PTPRM: variants seen among roughly 807,000 people sequenced by gnomAD.
The protein encoded by PTPRM is receptor-type tyrosine-protein phosphatase mu.
Under a neutral mutation model 186.7 loss-of-function variants are expected in PTPRM, and 47 were observed. The observed-to-expected ratio is 0.25, with a 90% CI of 0.20 to 0.32. PTPRM has a LOEUF of 0.32. Among genes scored for constraint, PTPRM ranks in the 10% least tolerant of loss-of-function variants. The pLI, the probability that PTPRM is intolerant of heterozygous loss-of-function variation, is 1.00. For missense variants in PTPRM, 1,494 were observed against 1,865.0 expected (o/e 0.80, Z 3.66); for synonymous variants, 668 against 674.9 (o/e 0.99, Z 0.16).
intron 23 of PTPRM, among the ~76,000 whole-genome samples, chr18:8,360,282 G>T (rs2148386079): frequency 6.6e-6 from 1 of 152,306 alleles, no homozygotes; most frequent in Non-Finnish European, 1.5e-5. Context: ...ACATGTCTAA[G>T]ACCAGAGAAA....
intron 7 of PTPRM, among the ~76,000 whole-genome samples, chr18:7,966,357 T>C (rs554160202): frequency 5.9e-5 from 9 of 152,350 alleles, no homozygotes; most frequent in African/African-American, 1.9e-4. Context: ...AATATTCCCA[T>C]TGACCAAATA....
At chr18:7,902,835 T>TG (rs372814234) in intron 3 of PTPRM, among the ~76,000 whole-genome samples, 443 of 9,824 alleles carry the variant, frequency 0.045, 3 homozygotes, top group African/African-American at 0.13. Context: ...CTTCTCTGCC[T>TG]TTTTTTTTTT....
intron 5 of PTPRM, among the ~76,000 whole-genome samples, chr18:7,948,130 TACACAC>T (rs57918724): frequency 0.031 from 4,306 of 137,770 alleles, 77 homozygotes; most frequent in Middle Eastern, 0.12. Context: ...GATTATAAAA[TACACAC>T]ACACACACAC....
At chr18:7,937,208 G>A (rs148818066) in intron 5 of PTPRM, among the ~76,000 whole-genome samples, 92 of 152,312 alleles carry the variant, frequency 6.0e-4, no homozygotes, top group Non-Finnish European at 7.1e-4. Context: ...TGCTCACCAC[G>A]TTGTGGGTGA....
intron 7 of PTPRM, among the ~76,000 whole-genome samples, chr18:7,974,100 G>A (rs78701319): frequency 6.6e-6 from 1 of 152,256 alleles, no homozygotes; most frequent in East Asian, 1.9e-4. Flanking sequence ...TGGAGCCTGA[G>A]AATGTGGCAG....
intron 13 of PTPRM, among the ~76,000 whole-genome samples, chr18:8,140,281 C>G (rs948485352): frequency 1.3e-5 from 2 of 152,046 alleles, no homozygotes; most frequent in African/African-American, 2.4e-5. Flanking sequence ...CAAAATTGGG[C>G]CCAGACCTCA....
intron 2 of PTPRM, among the ~76,000 whole-genome samples, chr18:7,794,475 A>G (rs2043505537): frequency 6.6e-6 from 1 of 152,066 alleles, no homozygotes; most frequent in Non-Finnish European, 1.5e-5. Flanking sequence ...TATGATGTTG[A>G]GTTCCACCTG....
chr18:7,984,602 T>TATATATACACACACACAC (rs1214502563), intron 7 of PTPRM, among the ~76,000 whole-genome samples: 6 of 87,172 alleles, frequency 6.9e-5, no homozygotes, highest in African/African-American at 2.5e-4. Context: ...TATATATATA[T>TATATATACACACACACAC]ACACACACAC....
At chr18:7,964,458 T>C (rs1278644445) in intron 7 of PTPRM, among the ~76,000 whole-genome samples, 1 of 152,208 alleles carries the variant, frequency 6.6e-6, no homozygotes, top group Non-Finnish European at 1.5e-5. Context: ...TTGTTGTTGT[T>C]GTTTGTTTGT....
intron 14 of PTPRM, among the ~76,000 whole-genome samples, chr18:8,220,929 C>G (rs2094146253): frequency 2.6e-5 from 4 of 152,284 alleles, no homozygotes. Context: ...AGGGCAGTTT[C>G]TTCATCAACA....
intron 2 of PTPRM, among the ~76,000 whole-genome samples, chr18:7,779,241 T>C (rs570151586): frequency 6.6e-6 from 1 of 152,336 alleles, no homozygotes; most frequent in East Asian, 1.9e-4. Flanking sequence ...TGGATATCAG[T>C]GTTGGGAAAA....
intron 28 of PTPRM, among the ~76,000 whole-genome samples, 159 bp downstream of exon 28, chr18:8,379,499 T>C (rs997120766): frequency 2.0e-5 from 3 of 152,202 alleles, no homozygotes; most frequent in African/African-American, 7.2e-5. Context: ...CACGTATGTT[T>C]TTGTGTCGGG....
intron 3 of PTPRM, among the ~76,000 whole-genome samples, chr18:7,889,618 C>T (rs915701663): frequency 6.6e-6 from 1 of 152,104 alleles, no homozygotes; most frequent in Non-Finnish European, 1.5e-5. Flanking sequence ...GAATTACAGG[C>T]ATGAGCCATT....
At chr18:8,126,021 A>ATTTTTTTT (rs1235933280) in intron 13 of PTPRM, among the ~76,000 whole-genome samples, 19 of 37,528 alleles carry the variant, frequency 5.1e-4, no homozygotes, top group Non-Finnish European at 9.8e-4. Flanking sequence ...ATATATATAT[A>ATTTTTTTT]TATATATTTT....
At chr18:7,612,515 A>G (rs1446330745) in intron 1 of PTPRM, among the ~76,000 whole-genome samples, 1 of 152,172 alleles carries the variant, frequency 6.6e-6, no homozygotes, top group Non-Finnish European at 1.5e-5. Context: ...TCCACGATTC[A>G]CTTTGATTTT....
chr18:7,860,019 C>T (rs1171698967), intron 2 of PTPRM, among the ~76,000 whole-genome samples: 2 of 152,034 alleles, frequency 1.3e-5, no homozygotes, highest in African/African-American at 4.8e-5. Flanking sequence ...GGAGAATTTT[C>T]TGATCCTTTT....
rs1030344076 is a variant in PTPRM at position 8,063,337 on chromosome 18, C to A, written c.1133-6349C>A. 2.6e-4 allele frequency among the ~76,000 whole-genome samples: 39 copies of A among 151,000 alleles called. 1 individual carries two copies. Among genetic ancestry groups the A allele is most frequent in the Non-Finnish European group, 4.3e-4 (29 of 68,034 alleles). ...CGGCTTGCGCACACCCACTGGCCTG[C>A]GCCCACTGTCTGGCACTCCCTAGTG... On this transcript the variant is annotated intron_variant, in intron 7 of 32. Coordinates refer to ENST00000580170, the MANE Select transcript of PTPRM (RefSeq NM_001105244.2).
At chr18:7,570,470 T>G (rs2036540583) in intron 1 of PTPRM, among the ~76,000 whole-genome samples, 1 of 152,230 alleles carries the variant, frequency 6.6e-6, no homozygotes, top group East Asian at 1.9e-4. Flanking sequence ...TCATAGATCC[T>G]TAGATGTCAC....
rs1015361574 is a variant in PTPRM, at chr18:7,985,389, A to G, written c.1132+29975A>G. 5.8e-5 allele frequency among the ~76,000 whole-genome samples: 8 copies of G among 138,754 alleles called. 1 individual carries two copies. Among genetic ancestry groups the G allele is most frequent in the Non-Finnish European group, 9.1e-5 (6 of 65,582 alleles). 91.0% of individuals were successfully genotyped at this position (138,754 alleles called of 152,430 possible). On this transcript the variant is annotated intron_variant, in intron 7 of 32. Transcript: ENST00000580170. ...GGTATATACGTATATAAATATATAC[A>G]TATACTGGTATATACGTATATAAAT...
Sources: gnomAD v4.1 joint callset for allele counts (sites outside exome capture counted in the v4.1 genomes callset) on GRCh38, gnomAD v4.1.1 for gene constraint, MANE v1.5 for transcripts, NCBI Gene and HGNC (gene_info 2026-07-23, HGNC 2026-07-21) for gene names.